Variants in SGCZ observed in about 807,000 individuals in gnomAD.
SGCZ encodes zeta-sarcoglycan.
A neutral mutation model predicts 41.3 loss-of-function variants in SGCZ; 40 were observed. The observed-to-expected ratio is 0.97, with a 90% CI of 0.75 to 1.26. The LOEUF (loss-of-function observed/expected upper bound fraction) is 1.26, where lower values mean the gene tolerates loss of function less well. SGCZ is among the 50% of genes most tolerant of loss of function. SGCZ has a pLI of 0.00. For synonymous variants in SGCZ, 206 were observed against 137.5 expected, an observed-to-expected ratio of 1.50 and a Z score of -3.49; for missense variants, 552 against 369.8, an observed-to-expected ratio of 1.49 and a Z score of -4.04.
chr8:14,577,486 T>G (rs1376672922), intron 1 of SGCZ, among the ~76,000 whole-genome samples: 1 of 151,044 alleles, frequency 6.6e-6, no homozygotes, highest in Non-Finnish European at 1.5e-5. Flanking sequence ...CCTCCCAGAT[T>G]CAAGCAATTC....
intron 1 of SGCZ, among the ~76,000 whole-genome samples, chr8:14,816,696 C>T (rs17278826): frequency 0.18 from 26,605 of 151,944 alleles, 2,713 homozygotes; most frequent in Middle Eastern, 0.26. Flanking sequence ...TTGGTAATAC[C>T]GAAGTCTCCA....
At chr8:14,587,718 T>C (rs1805106594) in intron 1 of SGCZ, among the ~76,000 whole-genome samples, 1 of 152,178 alleles carries the variant, frequency 6.6e-6, no homozygotes, top group African/African-American at 2.4e-5. Context: ...ATGTCTTAGG[T>C]CACTGATTTT....
At chr8:14,391,662 G>C (rs113509179) in intron 2 of SGCZ, among the ~76,000 whole-genome samples, 1,605 of 152,200 alleles carry the variant, frequency 0.011, 27 homozygotes, top group African/African-American at 0.035. Flanking sequence ...ACATTATTAT[G>C]TGATCGCTTG....
At chr8:14,544,016 C>T (rs936084013) in intron 2 of SGCZ, among the ~76,000 whole-genome samples, 3 of 152,036 alleles carry the variant, frequency 2.0e-5, no homozygotes, top group African/African-American at 7.2e-5. Flanking sequence ...ATGTAAGGAG[C>T]CCCGAGCACA....
intron 1 of SGCZ, among the ~76,000 whole-genome samples, chr8:14,836,084 G>C (rs1802692433): frequency 1.3e-5 from 2 of 151,918 alleles, no homozygotes; most frequent in African/African-American, 4.8e-5. Context: ...GTCATCTAGG[G>C]ACATTCACAC....
At chr8:14,251,079 T>G (rs902855100) in intron 3 of SGCZ, among the ~76,000 whole-genome samples, 2 of 152,122 alleles carry the variant, frequency 1.3e-5, no homozygotes, top group African/African-American at 2.4e-5. Flanking sequence ...AGTACAAAAA[T>G]TAGCCGGGTG....
chr8:15,052,544 C>T (rs377669815), intron 1 of SGCZ, among the ~76,000 whole-genome samples: 70 of 152,154 alleles, frequency 4.6e-4, no homozygotes, highest in African/African-American at 1.6e-3. Context: ...TTCTAACGCT[C>T]CTTCCTTGAG....
intron 1 of SGCZ, among the ~76,000 whole-genome samples, chr8:14,747,617 A>G (rs1317543112): frequency 6.6e-6 from 1 of 151,524 alleles, no homozygotes; most frequent in African/African-American, 2.4e-5. Context: ...TTAAAATGAC[A>G]TATTCTGCAA....
At chr8:14,281,734 C>T (rs941976711) in intron 3 of SGCZ, among the ~76,000 whole-genome samples, 9 of 151,926 alleles carry the variant, frequency 5.9e-5, no homozygotes, top group African/African-American at 1.9e-4. Flanking sequence ...ATATTTGTGT[C>T]AATACAAAAC....
intron 1 of SGCZ, among the ~76,000 whole-genome samples, chr8:14,589,303 A>T (rs935133426): frequency 2.0e-5 from 3 of 150,202 alleles, no homozygotes; most frequent in Non-Finnish European, 4.4e-5. Flanking sequence ...CTGAGATTGC[A>T]CCACTGCACT....
intron 2 of SGCZ, among the ~76,000 whole-genome samples, chr8:14,389,898 A>C (rs912181341): frequency 1.3e-5 from 2 of 152,040 alleles, no homozygotes; most frequent in African/African-American, 4.8e-5. Flanking sequence ...GCACTGACCA[A>C]GGGTATCAGA....
chr8:14,915,919 C>T (rs1799422640), intron 1 of SGCZ, among the ~76,000 whole-genome samples: 1 of 152,126 alleles, frequency 6.6e-6, no homozygotes. Context: ...GGCAAAGTAG[C>T]CGTTTCAATA....
At chr8:14,204,824 C>T (rs1339595395) in intron 4 of SGCZ, among the ~76,000 whole-genome samples, 1 of 152,182 alleles carries the variant, frequency 6.6e-6, no homozygotes, top group South Asian at 2.1e-4. Context: ...TTCACGCTAT[C>T]TTCACCAGGT....
intron 3 of SGCZ, among the ~76,000 whole-genome samples, chr8:14,255,556 G>A (rs942597018): frequency 2.2e-4 from 34 of 151,850 alleles, no homozygotes; most frequent in Non-Finnish European, 3.8e-4. Flanking sequence ...TTTTATCATC[G>A]CTAAAAAGAC....
rs1181309384 is a variant in SGCZ at position 14,324,152 on chromosome 8, A to G, written c.287T>C (p.Ile96Thr). ...VTKKGIRLEG[I>T]SEFLLPLYVK... ...ATACAATGGAAGTAGAAACTCAGATATACCTTCAAGTCGGATTCCCTTCTT... is the reference window on the plus strand; with the variant it reads ...ATACAATGGAAGTAGAAACTCAGATGTACCTTCAAGTCGGATTCCCTTCTT... Residue 96 changes from isoleucine (I) to threonine (T), a missense_variant, in exon 3 of 8, where the codon ATA becomes ACA. Coordinates refer to ENST00000382080, the MANE Select transcript of SGCZ (RefSeq NM_139167.4). 2.5e-6 allele frequency: 4 copies of G among 1,613,116 alleles called. No individual in the cohort carries two copies. The highest frequency in any genetic ancestry group is 3.4e-6 in the Non-Finnish European group (4 of 1,179,614).
intron 4 of SGCZ, among the ~76,000 whole-genome samples, chr8:14,185,191 G>A (rs565357612): frequency 5.3e-5 from 8 of 152,180 alleles, no homozygotes; most frequent in Admixed American, 2.6e-4. Context: ...CACGAGGTCA[G>A]GAGATCAAGA....
intron 7 of SGCZ, among the ~76,000 whole-genome samples, chr8:14,099,773 A>T (rs1272245204): frequency 6.6e-6 from 1 of 152,148 alleles, no homozygotes; most frequent in Non-Finnish European, 1.5e-5. Context: ...TGTGGTATAT[A>T]TGCTGTTATT....
intron 1 of SGCZ, among the ~76,000 whole-genome samples, chr8:15,148,368 C>G (rs1253952918): frequency 6.6e-6 from 1 of 152,078 alleles, no homozygotes; most frequent in Non-Finnish European, 1.5e-5. Context: ...GAAAAAGATG[C>G]CTCGATGTCA....
chr8:14,815,516 A>G (rs1801877415), intron 1 of SGCZ, among the ~76,000 whole-genome samples: 1 of 152,152 alleles, frequency 6.6e-6, no homozygotes, highest in Admixed American at 6.6e-5. Flanking sequence ...TATATCTTCC[A>G]GGAATAAATC....
Sources: gnomAD v4.1 joint callset for allele counts (sites outside exome capture counted in the v4.1 genomes callset) on GRCh38, gnomAD v4.1.1 for gene constraint, MANE v1.5 for transcripts, NCBI Gene and HGNC (gene_info 2026-07-23, HGNC 2026-07-21) for gene names.